DACH2: variants seen among roughly 807,000 people sequenced by gnomAD.
DACH2 encodes the protein dachshund homolog 2.
A neutral mutation model predicts 35.8 loss-of-function variants in DACH2; 17 were observed. The ratio of observed to expected loss-of-function variants is 0.48; its 90% CI spans 0.33 to 0.71. The LOEUF (loss-of-function observed/expected upper bound fraction) is 0.71. Ranked by LOEUF, DACH2 falls within the 30% of genes least tolerant of loss-of-function variation. The pLI is 0.02. For missense variants in DACH2, 469 were observed against 472.7 expected (o/e 0.99, Z 0.07); for synonymous variants, 195 against 177.3 (o/e 1.10, Z -0.79).
intron 3 of DACH2, among the ~76,000 whole-genome samples, chrX:86,586,748 C>T (rs1318132911): frequency 9.0e-6 from 1 of 110,594 alleles, no homozygotes; most frequent in African/African-American, 3.3e-5. Flanking sequence ...CAGGCTTAGT[C>T]TGGACTATCT....
At chrX:86,512,960 C>G (rs1189795367) in intron 2 of DACH2, 1 of 322,530 alleles carries the variant, frequency 3.1e-6, no homozygotes, top group African/African-American at 2.7e-5. Context: ...ATTGAAACAT[C>G]AAATGAGAAA....
At chrX:86,593,083 A>G (rs2039667774) in intron 3 of DACH2, among the ~76,000 whole-genome samples, 1 of 110,856 alleles carries the variant, frequency 9.0e-6, no homozygotes, top group South Asian at 3.7e-4. Flanking sequence ...TATCCTTGAT[A>G]TTTTCTTGAC....
At chrX:86,376,231 T>C (rs1602454459) in intron 1 of DACH2, among the ~76,000 whole-genome samples, 1 of 108,350 alleles carries the variant, frequency 9.2e-6, no homozygotes, top group African/African-American at 3.3e-5. Context: ...TAATTCAGTA[T>C]GCTCCAGAAA....
intron 1 of DACH2, among the ~76,000 whole-genome samples, chrX:86,361,443 G>A (rs1423725114): frequency 9.0e-6 from 1 of 111,101 alleles, no homozygotes; most frequent in Non-Finnish European, 1.9e-5. Flanking sequence ...TTTCATGACA[G>A]GATCTACCTT....
chrX:86,697,971 T>G (rs1418074788), intron 5 of DACH2, among the ~76,000 whole-genome samples: 1 of 111,523 alleles, frequency 9.0e-6, no homozygotes, highest in African/African-American at 3.3e-5. Context: ...AAACCACAAA[T>G]TGTTCAGCAA....
At chrX:86,522,682 A>T (rs143209175) in intron 3 of DACH2, among the ~76,000 whole-genome samples, 1,870 of 111,274 alleles carry the variant, frequency 0.017, 18 homozygotes, top group Non-Finnish European at 0.026. Flanking sequence ...TATATATTTG[A>T]ACTACTGATA....
At chrX:86,294,124 T>C (rs1481643312) in intron 1 of DACH2, among the ~76,000 whole-genome samples, 3 of 111,445 alleles carry the variant, frequency 2.7e-5, no homozygotes, top group Non-Finnish European at 5.6e-5. Context: ...TGCTCGTTTC[T>C]TTTTATTCTT....
intron 3 of DACH2, among the ~76,000 whole-genome samples, chrX:86,532,117 C>G (rs2038730219): frequency 8.9e-6 from 1 of 112,669 alleles, no homozygotes; most frequent in East Asian, 2.8e-4. Context: ...CCCATTGTAT[C>G]TTGGAAGTAA....
chrX:86,567,581 T>C (rs2039308197), intron 3 of DACH2, among the ~76,000 whole-genome samples: 1 of 111,888 alleles, frequency 8.9e-6, no homozygotes, highest in South Asian at 3.7e-4. Context: ...TATAAGATTT[T>C]TGCTAGTTAC....
rs780305089 is a variant in DACH2 at position 86,747,055 on chromosome X, G to A, written c.1240+7173G>A. Among the ~76,000 whole-genome samples, 3 of 111,719 alleles carry A rather than the reference G, an allele frequency of 2.7e-5. No homozygotes were observed. The East Asian group carries it at 8.5e-4, about 32-fold the overall frequency. ...CTCAATTATGTTTAATTATCTGCGT[G>A]TCTATTCTTTTGCCAATATCATACT... On this transcript the variant is annotated intron_variant, in intron 7 of 11. Coordinates refer to ENST00000373125, the MANE Select transcript of DACH2 (RefSeq NM_053281.3).
chrX:86,301,681 A>G (rs1056761102), intron 1 of DACH2, among the ~76,000 whole-genome samples: 1 of 112,145 alleles, frequency 8.9e-6, no homozygotes, highest in African/African-American at 3.2e-5. Context: ...ATGTAATTAC[A>G]CTAATAAATT....
chrX:86,705,031 T>TATATATATATATATCTCAC (rs1447077074), intron 5 of DACH2, among the ~76,000 whole-genome samples: 23 of 106,243 alleles, frequency 2.2e-4, no homozygotes, highest in Non-Finnish European at 3.3e-4. Flanking sequence ...GAAATTGTTA[T>TATATATATATATATCTCAC]ATATATATAT....
At chrX:86,749,818 GT>G (rs747840528) in intron 7 of DACH2, among the ~76,000 whole-genome samples, 6 of 111,140 alleles carry the variant, frequency 5.4e-5, no homozygotes, top group Admixed American at 1.9e-4. Flanking sequence ...CCTGTATTTT[GT>G]TTTTTAATGT....
At chrX:86,565,545 G>A (rs1051350123) in intron 3 of DACH2, among the ~76,000 whole-genome samples, 1 of 111,633 alleles carries the variant, frequency 9.0e-6, no homozygotes, top group Non-Finnish European at 1.9e-5. Context: ...AACCAGTCTT[G>A]ACTGTGAGTA....
intron 1 of DACH2, among the ~76,000 whole-genome samples, chrX:86,181,432 G>A (rs5967689): frequency 0.036 from 3,998 of 110,942 alleles, 190 homozygotes; most frequent in African/African-American, 0.12. Flanking sequence ...GAAAACATGC[G>A]ATGTTTGGTT....
At chrX:86,818,793 A>G (rs2147358383) in intron 11 of DACH2, among the ~76,000 whole-genome samples, 1 of 110,153 alleles carries the variant, frequency 9.1e-6, no homozygotes, top group East Asian at 2.9e-4. Context: ...ATAGAAATCT[A>G]TCATTCACCT....
chrX:86,339,971 G>C (rs1312007692), intron 1 of DACH2, among the ~76,000 whole-genome samples: 7 of 111,589 alleles, frequency 6.3e-5, no homozygotes, highest in African/African-American at 2.3e-4. Context: ...AAAGTGCCTT[G>C]ATATACTTTG....
At chrX:86,687,216 AT>A (rs1355518636) in intron 4 of DACH2, among the ~76,000 whole-genome samples, 2 of 111,015 alleles carry the variant, frequency 1.8e-5, no homozygotes, top group East Asian at 2.8e-4. Context: ...CATTTGTTTG[AT>A]TTTTTTCATT....
chrX:86,582,511 A>G (rs1162329929), intron 3 of DACH2, among the ~76,000 whole-genome samples: 1 of 111,593 alleles, frequency 9.0e-6, no homozygotes, highest in Non-Finnish European at 1.9e-5. Flanking sequence ...CAGAAATGAT[A>G]AAGTCATATT....
Sources: allele counts gnomAD v4.1 joint callset (sites outside exome capture counted in the v4.1 genomes callset), GRCh38; gene constraint gnomAD v4.1.1; transcripts MANE v1.5; gene names NCBI Gene and HGNC (gene_info 2026-07-23, HGNC 2026-07-21).